The following KLHDC1 variants were observed in gnomAD, a reference collection of about 807,000 sequenced individuals.
KLHDC1 encodes kelch domain-containing protein 1.
KLHDC1 carries 53 observed loss-of-function variants against 68.3 expected under a neutral mutation model. The observed-to-expected ratio is 0.78, with a 90% CI of 0.62 to 0.98. The LOEUF (loss-of-function observed/expected upper bound fraction) is 0.98, where lower values mean the gene tolerates loss of function less well. Among genes scored for constraint, KLHDC1 ranks in the 50% least tolerant of loss-of-function variants. KLHDC1 has a pLI of 0.00. For synonymous variants in KLHDC1, 148 were observed against 159.0 expected (o/e 0.93, Z 0.52); for missense variants, 470 against 492.3 (o/e 0.95, Z 0.43).
At chr14:49,740,923 A>G (rs1339352137) in intron 11 of KLHDC1, among the ~76,000 whole-genome samples, 2 of 151,906 alleles carry the variant, frequency 1.3e-5, no homozygotes, top group Admixed American at 1.3e-4. Context: ...AGCAAAAACC[A>G]TCTCTACTAA....
chr14:49,693,406 G>A, intron 1 of KLHDC1, 116 bp downstream of exon 1: 1 of 635,606 alleles, frequency 1.6e-6, no homozygotes, highest in Non-Finnish European at 2.3e-6. Context: ...CGCGCCCGGC[G>A]CCTGCAGCCC....
intron 4 of KLHDC1, among the ~76,000 whole-genome samples, chr14:49,717,635 T>A (rs1012936002): frequency 9.9e-5 from 15 of 152,158 alleles, no homozygotes; most frequent in African/African-American, 3.6e-4. Context: ...TTTAATTGTA[T>A]TTTATTTGTC....
At chr14:49,736,917 T>TAG (rs1227117589) in intron 10 of KLHDC1, among the ~76,000 whole-genome samples, 1 of 152,212 alleles carries the variant, frequency 6.6e-6, no homozygotes, top group Non-Finnish European at 1.5e-5. Context: ...GCACTCCTAT[T>TAG]CTCTGAGTCT....
intron 4 of KLHDC1, 37 bp downstream of exon 4, chr14:49,710,418 C>A: frequency 2.9e-6 from 3 of 1,052,106 alleles, no homozygotes; most frequent in South Asian, 1.3e-5. Context: ...TTATGTCTAC[C>A]TAAGCAAAGA....
intron 8 of KLHDC1, 52 bp downstream of exon 8, chr14:49,729,600 G>T (rs1167024570): frequency 2.6e-6 from 3 of 1,156,432 alleles, no homozygotes; most frequent in African/African-American, 1.5e-5. Flanking sequence ...GTATGTGTCT[G>T]TATGTCACCA....
intron 10 of KLHDC1, among the ~76,000 whole-genome samples, chr14:49,739,888 CAG>C (rs890781811): frequency 6.6e-6 from 1 of 152,086 alleles, no homozygotes; most frequent in South Asian, 2.1e-4. Flanking sequence ...AAACAAAAAA[CAG>C]AGAGAGAGTC....
chr14:49,724,062 T>A, intron 5 of KLHDC1, 110 bp downstream of exon 5: 1 of 623,860 alleles, frequency 1.6e-6, no homozygotes. Flanking sequence ...TTTGTCGTAA[T>A]TGACGCTATG....
At chr14:49,706,391 C>A (rs11846300) in intron 1 of KLHDC1, among the ~76,000 whole-genome samples, 101,061 of 152,012 alleles carry the variant, frequency 0.66, 34,320 homozygotes, top group South Asian at 0.89. Context: ...TGTTGATGGA[C>A]ACAAGTTGCT....
At chr14:49,704,233 CTT>C (rs1286802938) in intron 1 of KLHDC1, among the ~76,000 whole-genome samples, 2 of 151,814 alleles carry the variant, frequency 1.3e-5, no homozygotes, top group Non-Finnish European at 2.9e-5. Flanking sequence ...CTATTTGTGT[CTT>C]TTGTAAAAAT....
At chr14:49,701,683 C>T (rs1175543605) in intron 1 of KLHDC1, among the ~76,000 whole-genome samples, 8 of 151,480 alleles carry the variant, frequency 5.3e-5, no homozygotes, top group African/African-American at 1.5e-4. Context: ...CAAAAAAATA[C>T]CAAAAACTGA....
intron 4 of KLHDC1, among the ~76,000 whole-genome samples, chr14:49,717,530 T>C (rs997296303): frequency 6.6e-6 from 1 of 152,226 alleles, no homozygotes; most frequent in African/African-American, 2.4e-5. Flanking sequence ...ATTCAAATCC[T>C]TTACCCATTT....
At chr14:49,697,765 C>T (rs550371305) in intron 1 of KLHDC1, among the ~76,000 whole-genome samples, 1 of 152,162 alleles carries the variant, frequency 6.6e-6, no homozygotes, top group Non-Finnish European at 1.5e-5. Context: ...TGAGTGCTTA[C>T]TACATCTGGC....
intron 12 of KLHDC1, among the ~76,000 whole-genome samples, chr14:49,750,511 G>C (rs983158308): frequency 3.9e-5 from 6 of 152,138 alleles, no homozygotes; most frequent in Non-Finnish European, 7.3e-5. Flanking sequence ...CTTGTTTAGA[G>C]TTGTTCCAGA....
At chr14:49,737,868 A>AG (rs1199879592) in intron 10 of KLHDC1, among the ~76,000 whole-genome samples, 2 of 150,746 alleles carry the variant, frequency 1.3e-5, no homozygotes, top group African/African-American at 4.9e-5. Context: ...CTGTCTCAAA[A>AG]AAAAAAAAAA....
chr14:49,713,069 C>T (rs1051371741), intron 4 of KLHDC1, among the ~76,000 whole-genome samples: 14 of 151,824 alleles, frequency 9.2e-5, no homozygotes, highest in Non-Finnish European at 1.6e-4. Context: ...CCTGCCTCAG[C>T]CTCCCGAGTA....
intron 10 of KLHDC1, among the ~76,000 whole-genome samples, chr14:49,735,858 T>C (rs991586019): frequency 2.6e-5 from 4 of 152,128 alleles, no homozygotes; most frequent in African/African-American, 7.2e-5. Flanking sequence ...AGTTTTGGTT[T>C]TTTTTTAATG....
At chr14:49,699,619 A>G (rs887034092) in intron 1 of KLHDC1, among the ~76,000 whole-genome samples, 1 of 152,196 alleles carries the variant, frequency 6.6e-6, no homozygotes, top group South Asian at 2.1e-4. Flanking sequence ...CTTCATTGAT[A>G]CAAACAATGT....
chr14:49,705,444 C>T (rs887871108), intron 1 of KLHDC1, among the ~76,000 whole-genome samples: 2 of 123,916 alleles, frequency 1.6e-5, no homozygotes, highest in African/African-American at 3.0e-5. Flanking sequence ...TCTCAGGTTA[C>T]TGCAACCTCC....
intron 10 of KLHDC1, among the ~76,000 whole-genome samples, chr14:49,737,668 C>T (rs1364313865): frequency 6.7e-6 from 1 of 150,290 alleles, no homozygotes; most frequent in Admixed American, 6.6e-5. Context: ...AGTTCAAGAC[C>T]AGCCTGGATA....
Sources: gnomAD v4.1 joint callset for allele counts (sites outside exome capture counted in the v4.1 genomes callset) on GRCh38, gnomAD v4.1.1 for gene constraint, MANE v1.5 for transcripts, NCBI Gene and HGNC (gene_info 2026-07-23, HGNC 2026-07-21) for gene names.